SYN3: variants seen among roughly 807,000 people sequenced by gnomAD.
SYN3 encodes synapsin-3.
Under a neutral mutation model 65.8 loss-of-function variants are expected in SYN3, and 35 were observed. The observed-to-expected ratio is 0.53, with a 90% confidence interval of 0.41 to 0.70. The LOEUF (loss-of-function observed/expected upper bound fraction) is 0.70. Ranked by LOEUF, SYN3 falls within the 30% of genes least tolerant of loss-of-function variation. SYN3 has a pLI of 0.00. For missense variants in SYN3, 680 were observed against 749.0 expected, an observed-to-expected ratio of 0.91 and a Z score of 1.08; for synonymous variants, 270 against 292.9, an observed-to-expected ratio of 0.92 and a Z score of 0.80.
At chr22:32,686,590 ATTTTTTTTTT>A (rs149862418) in intron 6 of SYN3, among the ~76,000 whole-genome samples, 1,082 of 72,384 alleles carry the variant, frequency 0.015, 10 homozygotes, top group Middle Eastern at 0.091. Context: ...CTGCTCCTCC[ATTTTTTTTTT>A]TTTTTTTTTT....
chr22:32,596,022 A>G (rs954841175), intron 7 of SYN3, among the ~76,000 whole-genome samples: 1 of 152,148 alleles, frequency 6.6e-6, no homozygotes, highest in Non-Finnish European at 1.5e-5. Flanking sequence ...GGCTGTAGTG[A>G]GCCGAGATCA....
At position 32,518,335 on chromosome 22, in the gene SYN3, C is replaced by T; in HGVS notation, c.1319-1G>A. 6.2e-7 allele frequency: 1 copy of T among 1,609,304 alleles called. No homozygotes were observed. The highest frequency in any genetic ancestry group is 1.1e-5 in the South Asian group (1 of 90,420). On this transcript the variant is annotated splice_acceptor_variant, in intron 12 of 13. Transcript: ENST00000358763. LOFTEE classifies it high-confidence loss of function. ...GGAGACTGAGCTTGGCGAGGGCCTC[C>T]TAAGGGGCCAGAAAAAAAAAGGTTC...
At chr22:32,591,874 C>T (rs995597667) in intron 7 of SYN3, among the ~76,000 whole-genome samples, 6 of 152,284 alleles carry the variant, frequency 3.9e-5, no homozygotes, top group East Asian at 3.9e-4. Context: ...CTGCCCAGGA[C>T]GTGAATCATC....
At chr22:32,940,571 T>A (rs932380834) in intron 3 of SYN3, among the ~76,000 whole-genome samples, 4 of 152,216 alleles carry the variant, frequency 2.6e-5, no homozygotes, top group African/African-American at 9.6e-5. Context: ...AAGGTTCAAT[T>A]TTTTTCATAT....
chr22:32,557,945 C>G (rs1199352399), intron 7 of SYN3, among the ~76,000 whole-genome samples: 2 of 152,176 alleles, frequency 1.3e-5, no homozygotes, highest in East Asian at 1.9e-4. Flanking sequence ...AGTTTTTTCT[C>G]TGATAGTTCT....
intron 6 of SYN3, among the ~76,000 whole-genome samples, chr22:32,769,618 G>A (rs540264163): frequency 1.3e-5 from 2 of 151,860 alleles, no homozygotes; most frequent in African/African-American, 4.8e-5. Context: ...CCGGGTTCAA[G>A]TTATTCTCCT....
At chr22:32,657,313 C>T (rs1273595309) in intron 6 of SYN3, among the ~76,000 whole-genome samples, 8 of 152,050 alleles carry the variant, frequency 5.3e-5, no homozygotes, top group Admixed American at 1.3e-4. Flanking sequence ...TTAGTAGAGA[C>T]GGGGTTTCAC....
intron 12 of SYN3, among the ~76,000 whole-genome samples, chr22:32,527,323 A>G (rs1056100061): frequency 8.5e-5 from 13 of 152,166 alleles, no homozygotes; most frequent in Middle Eastern, 3.2e-3. Flanking sequence ...TTTACCTCGC[A>G]GTAGAAAGGC....
At chr22:32,572,997 T>A (rs532303136) in intron 7 of SYN3, among the ~76,000 whole-genome samples, 1 of 152,356 alleles carries the variant, frequency 6.6e-6, no homozygotes, top group African/African-American at 2.4e-5. Flanking sequence ...GACTTGCTTA[T>A]AAGAGGTGAT....
chr22:32,604,786 A>G lies in SYN3; in HGVS notation c.712-8050T>C, dbSNP rs182356403. ...TTTGGGAGGCTGAGGCGGGCAGATG[A>G]CGAGGTCAGGAGATCGAGACCATCC... On this transcript the variant is annotated intron_variant, in intron 6 of 13. Transcript: ENST00000358763. 1.3e-3 allele frequency among the ~76,000 whole-genome samples: 204 copies of G among 151,162 alleles called. 3 individuals are homozygous for G. The highest frequency in any genetic ancestry group is 8.1e-4 in the Non-Finnish European group (55 of 67,964).
chr22:32,862,281 T>A (rs914248493), intron 6 of SYN3: 4 of 152,206 alleles, frequency 2.6e-5, no homozygotes, highest in African/African-American at 4.8e-5. Flanking sequence ...CTCTTCTGCC[T>A]CCCAATCAAG....
At chr22:32,784,522 A>C (rs2046144799) in intron 6 of SYN3, among the ~76,000 whole-genome samples, 1 of 152,202 alleles carries the variant, frequency 6.6e-6, no homozygotes, top group Non-Finnish European at 1.5e-5. Context: ...CAAGTTCCAG[A>C]TGAAACTGCA....
rs1052870779 is a variant in SYN3 at position 32,782,493 on chromosome 22, C to T, written c.711+82422G>A. ...TTGGGATTACAGGTAAGATCTACCA[C>T]GCCTGGCCAGGCCTTGTAATTCTTT... On this transcript the variant is annotated intron_variant, in intron 6 of 13. Coordinates refer to ENST00000358763, the MANE Select transcript of SYN3 (RefSeq NM_003490.4). Among the ~76,000 whole-genome samples, 3 of 150,850 alleles carry T rather than the reference C, an allele frequency of 2.0e-5. No individual in the cohort carries two copies. The East Asian group carries it at 5.9e-4, about 30-fold the overall frequency.
intron 6 of SYN3, among the ~76,000 whole-genome samples, chr22:32,855,214 C>G (rs1414481953): frequency 1.3e-5 from 2 of 152,332 alleles, no homozygotes; most frequent in East Asian, 3.9e-4. Context: ...GTTACCAAAT[C>G]TCACAGTTCA....
chr22:33,046,053 A>G (rs2054058886), intron 1 of SYN3, among the ~76,000 whole-genome samples: 1 of 152,236 alleles, frequency 6.6e-6, no homozygotes, highest in Non-Finnish European at 1.5e-5. Context: ...ACACTTCGCC[A>G]AAGAGAATAT....
intron 6 of SYN3, among the ~76,000 whole-genome samples, chr22:32,645,321 C>T (rs1460496862): frequency 5.3e-5 from 8 of 151,918 alleles, no homozygotes; most frequent in Admixed American, 6.6e-5. Context: ...CATGGTGGCG[C>T]ATGCCTGTAA....
At chr22:32,931,155 A>T (rs1601719232) in intron 4 of SYN3, 1 of 427,358 alleles carries the variant, frequency 2.3e-6, no homozygotes, top group Non-Finnish European at 4.3e-6. Context: ...CAGAAATGGA[A>T]CCCAAGTCTT....
chr22:33,023,426 A>G (rs1601921766), intron 1 of SYN3, among the ~76,000 whole-genome samples: 8 of 152,216 alleles, frequency 5.3e-5, no homozygotes, highest in African/African-American at 1.9e-4. Flanking sequence ...ACCTTCCACC[A>G]CGATTGTGAG....
chr22:32,818,448 G>C (rs1359553714), intron 6 of SYN3, among the ~76,000 whole-genome samples: 2 of 152,216 alleles, frequency 1.3e-5, no homozygotes, highest in African/African-American at 4.8e-5. Flanking sequence ...TCCTTCTGCT[G>C]TGTGATTCTG....
Sources: allele counts gnomAD v4.1 joint callset (sites outside exome capture counted in the v4.1 genomes callset), GRCh38; gene constraint gnomAD v4.1.1; transcripts MANE v1.5; gene names NCBI Gene and HGNC (gene_info 2026-07-23, HGNC 2026-07-21).